The following CFAP43 variants were observed in gnomAD, a reference collection of about 807,000 sequenced individuals.
The protein encoded by CFAP43 is cilia- and flagella-associated protein 43.
Under a neutral mutation model 218.9 loss-of-function variants are expected in CFAP43, and 155 were observed. That is an observed-to-expected ratio of 0.71 (90% confidence interval 0.62 to 0.81). The LOEUF is 0.81. CFAP43 is among the 30% of genes least tolerant of loss of function. CFAP43 has a pLI of 0.00. For missense variants in CFAP43, 1,778 were observed against 1,954.3 expected (o/e 0.91, Z 1.70); for synonymous variants, 645 against 681.3 (o/e 0.95, Z 0.83).
rs2088851615 is a variant in CFAP43 at position 104,161,188 on chromosome 10, T to TA, written c.3415-27_3415-26insT. 3 of 1,608,096 alleles carry TA rather than the reference T, an allele frequency of 1.9e-6. No homozygotes were observed. The South Asian group carries it at 3.3e-5, about 18-fold the overall frequency. Reference sequence around the variant, plus strand: ...CTGAAGATATGAAGAAAAGCATATATTTCAGCTCAAACGTTAAATGCAGTA... The same window carrying TA: ...CTGAAGATATGAAGAAAAGCATATATATTCAGCTCAAACGTTAAATGCAGTA... On this transcript the variant is annotated intron_variant, in intron 26 of 37. Transcript: ENST00000357060.
chr10:104,175,907 ATATATAC>A (rs1276737173), intron 19 of CFAP43, among the ~76,000 whole-genome samples: 1 of 152,236 alleles, frequency 6.6e-6, no homozygotes, highest in African/African-American at 2.4e-5. Flanking sequence ...ACATACTTAT[ATATATAC>A]TAAAGTTCAG....
intron 24 of CFAP43, among the ~76,000 whole-genome samples, chr10:104,163,662 A>G (rs2088996094): frequency 6.6e-6 from 1 of 152,212 alleles, no homozygotes; most frequent in African/African-American, 2.4e-5. Flanking sequence ...CACTCTGGGT[A>G]CAGGCACTGG....
At position 104,167,637 on chromosome 10, in the gene CFAP43, T is replaced by G; in HGVS notation, c.2792A>C (p.Glu931Ala). The part of the protein sequence containing the change: ...LERVLQQKKI[E>A]AECLKLRKEI... ...AAATAGTACTTTAAGACACTCTGCT[T>G]CAATCTTCTTTTGCTGTAAAACTCT... is the stretch of plus-strand genomic sequence containing the variant. Residue 931 changes from glutamate to alanine, a missense_variant, in exon 22 of 38, where the codon GAA (glutamate) becomes GCA (alanine). This residue lies in a region of CFAP43 where 1,553 missense variants were observed against 1,685.2 expected (regional missense o/e 0.92). Coordinates refer to ENST00000357060, the MANE Select transcript of CFAP43 (RefSeq NM_025145.7). 6.2e-7 allele frequency: 1 copy of G among 1,609,486 alleles called. No homozygotes were observed. Among genetic ancestry groups the G allele is most frequent in the South Asian group, 1.1e-5 (1 of 90,048 alleles).
intron 34 of CFAP43, among the ~76,000 whole-genome samples, chr10:104,139,908 T>C (rs1271964045): frequency 6.6e-6 from 1 of 152,186 alleles, no homozygotes; most frequent in East Asian, 1.9e-4. Flanking sequence ...ATGTTTTGTG[T>C]TTATAGCATT....
At chr10:104,134,545 A>G (rs146796883) in intron 34 of CFAP43, among the ~76,000 whole-genome samples, 190 of 152,348 alleles carry the variant, frequency 1.2e-3, no homozygotes, top group African/African-American at 4.3e-3. Context: ...AAATGAAATC[A>G]AGAATATTAC....
At chr10:104,225,828 A>C (rs1023857242) in intron 2 of CFAP43, among the ~76,000 whole-genome samples, 1 of 152,354 alleles carries the variant, frequency 6.6e-6, no homozygotes, top group African/African-American at 2.4e-5. Context: ...ATACCGCACC[A>C]TGTATGTCCC....
At chr10:104,196,742 G>A in intron 10 of CFAP43, 111 bp downstream of exon 10, 2 of 871,414 alleles carry the variant, frequency 2.3e-6, no homozygotes, top group Non-Finnish European at 1.7e-6. Flanking sequence ...CAAAAATGCA[G>A]TGAGGCTTCG....
intron 2 of CFAP43, among the ~76,000 whole-genome samples, chr10:104,228,997 C>A (rs2091376251): frequency 6.6e-6 from 1 of 152,130 alleles, no homozygotes; most frequent in Non-Finnish European, 1.5e-5. Context: ...AGTAAGACTC[C>A]TGGGTATTGG....
chr10:104,224,754 CAAAAA>C (rs66877503), intron 3 of CFAP43, among the ~76,000 whole-genome samples: 10 of 70,174 alleles, frequency 1.4e-4, no homozygotes, highest in Admixed American at 1.0e-3. Context: ...GACTCCATCT[CAAAAA>C]AAAAAAAAAA....
In CFAP43 at chr10:104,143,580, G is replaced by A; in HGVS notation, c.4004C>T (p.Pro1335Leu). 6.2e-7 allele frequency: 1 copy of A among 1,614,162 alleles called. No individual in the cohort carries two copies. Among genetic ancestry groups the A allele is most frequent in the Non-Finnish European group, 8.5e-7 (1 of 1,180,018 alleles). The change falls in exon 32 of 38, where the codon CCA (proline) becomes CTA (leucine). Residue 1335 changes from proline (P) to leucine (L), a missense_variant. Physicochemically the swap from Pro to Leu is moderately conservative, Grantham distance 98. Coordinates refer to ENST00000357060, the MANE Select transcript of CFAP43 (RefSeq NM_025145.7). ...TTSVVPFGEL[P>L]GSGKLNKDAF... is the part of the protein sequence containing the mutation. ...ATCCTTATTCAACTTGCCAGATCCT[G>A]GTAGTTCTCCGAAAGGGACAACGCT...
intron 8 of CFAP43, among the ~76,000 whole-genome samples, chr10:104,200,123 A>C (rs1282874471): frequency 2.0e-5 from 3 of 152,222 alleles, no homozygotes; most frequent in Non-Finnish European, 4.4e-5. Context: ...TTCAGGACTC[A>C]GGCCTTAGTT....
chr10:104,196,731 G>A, intron 10 of CFAP43, 122 bp downstream of exon 10: 1 of 741,392 alleles, frequency 1.3e-6, no homozygotes, highest in East Asian at 2.9e-5. Flanking sequence ...AATCTAGAAG[G>A]CAAAAATGCA....
chr10:104,143,949 C>T (rs1435534395), intron 31 of CFAP43, among the ~76,000 whole-genome samples: 1 of 152,152 alleles, frequency 6.6e-6, no homozygotes, highest in Non-Finnish European at 1.5e-5. Context: ...TAAATCAACC[C>T]ATCGTTTCAC....
Position 104,186,110 on chromosome 10 carries a change from A to G in CFAP43, c.1874T>C (p.Ile625Thr), listed in dbSNP as rs1442984936. 1 of 1,534,042 alleles carries G rather than the reference A, an allele frequency of 6.5e-7. No homozygotes were observed. The highest frequency in any genetic ancestry group is 1.4e-5 in the African/African-American group (1 of 70,852). ...TTTTTTGTATGGTTTAAGAATGTAG[A>G]TACCGGTATGTTCCTGCCAATCAAA... ...YLLPEEEHTG[I>T]YILKPYKKVQ... Residue 625 changes from isoleucine to threonine, a missense_variant, in exon 15 of 38, where the codon ATC becomes ACC. Ile to Thr is a moderately conservative substitution (Grantham distance 89). Coordinates refer to ENST00000357060, the MANE Select transcript of CFAP43 (RefSeq NM_025145.7).
chr10:104,186,175 C>A (rs780920233), intron 14 of CFAP43, 52 bp from the exon 15 acceptor site: 6 of 1,406,214 alleles, frequency 4.3e-6, no homozygotes, highest in South Asian at 3.7e-5. Flanking sequence ...GTAAACAGCA[C>A]CTTTGGGTTT....
chr10:104,129,922 TA>T lies in CFAP43; in HGVS notation c.*216del. The T allele has an allele frequency of 2.2e-6, 1 of 453,690 alleles. No individual in the cohort carries two copies. Among genetic ancestry groups the T allele is most frequent in the Non-Finnish European group, 3.8e-6 (1 of 265,502 alleles). The allele number at this position is 453,690 out of a possible 1,614,324, so 28.1% of individuals were successfully genotyped here. On this transcript the variant is annotated 3_prime_UTR_variant, in exon 38 of 38. Transcript: ENST00000357060. ...ACTTCAAGTCTTGTTTATTCTTGAA[TA>T]AAAACAGCAATTCATGGTATTTTAC...
intron 19 of CFAP43, 36 bp downstream of exon 19, chr10:104,178,993 G>T: frequency 6.5e-7 from 1 of 1,537,446 alleles, no homozygotes; most frequent in Non-Finnish European, 9.0e-7. Context: ...TAGAATGAGG[G>T]CCAAAGGTAT....
rs1380148346 is a variant in CFAP43 at position 104,185,092 on chromosome 10, T to C, written c.2065A>G (p.Met689Val). The change falls in exon 16 of 38, where the codon ATG becomes GTG. Residue 689 changes from methionine to valine, a missense_variant. This residue lies in a region of CFAP43 where 1,553 missense variants were observed against 1,685.2 expected (regional missense o/e 0.92). Transcript: ENST00000357060. ...HSHQGHGIQS[M>V]RISMDGQNIL... ...TTTTGTCCATCCATTGAAATTCTCA[T>C]TGACTGAATCCCATGACCCTGGTGA... 6.2e-7 allele frequency: 1 copy of C among 1,614,072 alleles called. No individual in the cohort carries two copies. Among genetic ancestry groups the C allele is most frequent in the African/African-American group, 1.3e-5 (1 of 74,932 alleles).
At chr10:104,215,930 C>T (rs1332070449) in intron 3 of CFAP43, among the ~76,000 whole-genome samples, 2 of 152,096 alleles carry the variant, frequency 1.3e-5, no homozygotes, top group African/African-American at 4.8e-5. Context: ...TGCTCTGGGT[C>T]CCACAGTCTT....
Sources: gnomAD v4.1 joint callset for allele counts (sites outside exome capture counted in the v4.1 genomes callset) on GRCh38, gnomAD v4.1.1 for gene constraint, gnomAD v4.1.1 regional missense constraint, MANE v1.5 for transcripts, NCBI Gene and HGNC (gene_info 2026-07-23, HGNC 2026-07-21) for gene names.